DMD: variants seen among roughly 807,000 people sequenced by gnomAD.
DMD encodes the protein mutant dystrophin.
In DMD, 63 loss-of-function variants were observed where a neutral mutation model predicts 330.1. The observed-to-expected ratio is 0.19, with a 90% confidence interval of 0.16 to 0.24. The LOEUF (loss-of-function observed/expected upper bound fraction) is 0.24, where lower values mean the gene tolerates loss of function less well. Ranked by LOEUF, DMD falls within the 10% of genes least tolerant of loss-of-function variation. The probability of loss-of-function intolerance (pLI) is 1.00; values close to 1 mark genes in which losing one functional copy is unlikely to be tolerated. For missense variants in DMD, 3,344 were observed against 2,684.1 expected (o/e 1.25, Z -5.43); for synonymous variants, 1,223 against 959.8 (o/e 1.27, Z -5.07).
intron 1 of DMD, among the ~76,000 whole-genome samples, chrX:33,257,858 A>C (rs778665929): frequency 3.0e-4 from 33 of 110,730 alleles, no homozygotes; most frequent in Admixed American, 2.6e-3. Context: ...CTATCACTGA[A>C]GGTGCCATAG....
intron 42 of DMD, among the ~76,000 whole-genome samples, chrX:32,301,222 T>TAAAAAAAAAAAAAAAAAAAAAA (rs56329666): frequency 2.7e-5 from 2 of 74,665 alleles, no homozygotes; most frequent in Admixed American, 1.6e-4. Flanking sequence ...TGCATACATC[T>TAAAAAAAAAAAAAAAAAAAAAA]AAAAAAAAAA....
At chrX:32,944,712 C>T (rs2090671318) in intron 2 of DMD, among the ~76,000 whole-genome samples, 1 of 108,771 alleles carries the variant, frequency 9.2e-6, no homozygotes, top group Non-Finnish European at 1.9e-5. Flanking sequence ...TCAAGCGATT[C>T]TCCTGCCGCA....
chrX:32,410,347 A>T (rs1312603915), intron 30 of DMD, among the ~76,000 whole-genome samples: 2 of 111,528 alleles, frequency 1.8e-5, no homozygotes, highest in Admixed American at 1.9e-4. Flanking sequence ...TATTCCCTGG[A>T]CTTTTTAAGC....
chrX:31,428,917 C>T (rs986974018), intron 60 of DMD, among the ~76,000 whole-genome samples: 7 of 110,959 alleles, frequency 6.3e-5, no homozygotes, highest in South Asian at 7.8e-4. Flanking sequence ...GTCAGGAGTT[C>T]GAGACCAGCC....
intron 53 of DMD, among the ~76,000 whole-genome samples, chrX:31,673,351 C>T (rs1240306397): frequency 3.6e-5 from 4 of 112,236 alleles, no homozygotes; most frequent in Non-Finnish European, 5.6e-5. Context: ...TGTTGGCTCA[C>T]GCCTGTATCC....
chrX:32,927,172 T>G (rs374813778), intron 2 of DMD, among the ~76,000 whole-genome samples: 134 of 111,546 alleles, frequency 1.2e-3, no homozygotes, highest in African/African-American at 4.1e-3. Context: ...CCATCTTATC[T>G]AGCCTTTCTC....
intron 77 of DMD, among the ~76,000 whole-genome samples, chrX:31,129,551 C>T (rs1280391644): frequency 1.8e-5 from 2 of 111,850 alleles, no homozygotes; most frequent in South Asian, 3.8e-4. Flanking sequence ...TGCAAGCCCA[C>T]GGTCTCTGGA....
chrX:31,476,101 A>G (rs1603212263), intron 59 of DMD, among the ~76,000 whole-genome samples: 2 of 108,888 alleles, frequency 1.8e-5, no homozygotes, highest in Non-Finnish European at 3.8e-5. Context: ...AAGTGTGACA[A>G]TTTAGCATGC....
intron 40 of DMD, chrX:32,342,604 C>A (rs961893402): frequency 6.9e-6 from 2 of 291,048 alleles, no homozygotes; most frequent in Non-Finnish European, 1.2e-5. Flanking sequence ...TATTAGGGAC[C>A]GTCCACATAG....
At chrX:31,768,499 C>T (rs918008309) in intron 51 of DMD, among the ~76,000 whole-genome samples, 2 of 108,058 alleles carry the variant, frequency 1.9e-5, no homozygotes, top group African/African-American at 6.7e-5. Flanking sequence ...CCCTTTCCTC[C>T]TCCTTCCTTC....
intron 30 of DMD, among the ~76,000 whole-genome samples, chrX:32,398,880 G>A (rs747812338): frequency 9.0e-6 from 1 of 111,369 alleles, no homozygotes; most frequent in Non-Finnish European, 1.9e-5. Flanking sequence ...CATGGTACTG[G>A]CTTAAGCGCA....
intron 51 of DMD, among the ~76,000 whole-genome samples, chrX:31,757,446 C>CT (rs1203233702): frequency 8.9e-6 from 1 of 112,116 alleles, no homozygotes; most frequent in Non-Finnish European, 1.9e-5. Flanking sequence ...CAGCCCTTGT[C>CT]TTAGTCTGGG....
chrX:33,125,349 A>C (rs2095457064), intron 1 of DMD, among the ~76,000 whole-genome samples: 1 of 111,499 alleles, frequency 9.0e-6, no homozygotes. Context: ...ACATTAGAAA[A>C]GTTAAATAAA....
intron 22 of DMD, among the ~76,000 whole-genome samples, chrX:32,469,677 C>T (rs1301321644): frequency 9.0e-6 from 1 of 111,202 alleles, no homozygotes; most frequent in Non-Finnish European, 1.9e-5. Context: ...ACACTTTGAG[C>T]TAGGTGTTTT....
intron 76 of DMD, among the ~76,000 whole-genome samples, chrX:31,138,289 A>G (rs2035518307): frequency 9.0e-6 from 1 of 111,599 alleles, no homozygotes; most frequent in Admixed American, 9.5e-5. Flanking sequence ...CAAACAACAG[A>G]TGCGTGAATG....
chrX:31,487,239 A>G (rs1014641708), intron 57 of DMD, among the ~76,000 whole-genome samples: 3 of 110,883 alleles, frequency 2.7e-5, no homozygotes, highest in African/African-American at 9.9e-5. Context: ...AACACTTAAT[A>G]TGAACTTTAC....
At chrX:32,646,225 A>G (rs1196528738) in intron 9 of DMD, among the ~76,000 whole-genome samples, 1 of 111,584 alleles carries the variant, frequency 9.0e-6, no homozygotes, top group Admixed American at 9.6e-5. Context: ...GATAAACTAC[A>G]TGTCTGCTGC....
Position 31,967,321 on chromosome X carries a change from TGTGTGTG to T in DMD, c.6614+1011_6614+1017del, listed in dbSNP as rs1351054183. ...GGGTGTGTGTGTGTGTGTGTGTGTG[TGTGTGTG>T]TGTGTGTGTGTGTGTGTGTGTGTGT... On this transcript the variant is annotated intron_variant, in intron 45 of 78. Transcript: ENST00000357033. Among the ~76,000 whole-genome samples, 537 of 103,235 alleles carry T rather than the reference TGTGTGTG, an allele frequency of 5.2e-3. 8 individuals are homozygous for T. The highest frequency in any genetic ancestry group is 0.043 in the East Asian group (134 of 3,110). The allele number at this position is 103,235 out of a possible 115,157, so 89.6% of individuals were successfully genotyped here.
chrX:32,375,847 T>C (rs73463806), intron 34 of DMD, among the ~76,000 whole-genome samples: 3,709 of 112,043 alleles, frequency 0.033, 142 homozygotes, highest in African/African-American at 0.11. Context: ...AAGCTTGATT[T>C]TTATAACATC....
Sources: allele counts gnomAD v4.1 joint callset (sites outside exome capture counted in the v4.1 genomes callset), GRCh38; gene constraint gnomAD v4.1.1; transcripts MANE v1.5; gene names NCBI Gene and HGNC (gene_info 2026-07-23, HGNC 2026-07-21).